DAGLA: variants seen among roughly 807,000 people sequenced by gnomAD.
The protein encoded by DAGLA is diacylglycerol lipase alpha, also known as diacylglycerol lipase-alpha.
Under a neutral mutation model 102.6 loss-of-function variants are expected in DAGLA, and 22 were observed. The observed-to-expected ratio is 0.21, with a 90% CI of 0.15 to 0.31. The LOEUF (loss-of-function observed/expected upper bound fraction) is 0.31, where lower values mean the gene tolerates loss of function less well. DAGLA is among the 10% of genes least tolerant of loss of function. The pLI is 1.00. For synonymous variants in DAGLA, 578 were observed against 628.9 expected (o/e 0.92, Z 1.21); for missense variants, 927 against 1,446.6 (o/e 0.64, Z 5.83).
intron 1 of DAGLA, among the ~76,000 whole-genome samples, chr11:61,682,057 G>A (rs1254108525): frequency 4.2e-5 from 6 of 141,672 alleles, no homozygotes; most frequent in African/African-American, 1.0e-4. Context: ...GCAGGTGGTC[G>A]CCAAATTGCC....
At chr11:61,714,040 C>G (rs974915867) in intron 1 of DAGLA, among the ~76,000 whole-genome samples, 8 of 152,188 alleles carry the variant, frequency 5.3e-5, no homozygotes, top group Non-Finnish European at 1.0e-4. Flanking sequence ...GAAAAAGAGC[C>G]CTTACAAACT....
At chr11:61,735,093 C>G in intron 10 of DAGLA, 91 bp downstream of exon 10, 1 of 1,466,900 alleles carries the variant, frequency 6.8e-7, no homozygotes, top group South Asian at 1.2e-5. Flanking sequence ...GGCAGGAGCC[C>G]TTGCTTGGCT....
intron 9 of DAGLA, among the ~76,000 whole-genome samples, 177 bp downstream of exon 9, chr11:61,731,618 G>A (rs903579836): frequency 2.0e-5 from 3 of 152,314 alleles, no homozygotes; most frequent in Admixed American, 6.5e-5. Context: ...TGTAGGCTTC[G>A]GAGTCACACA....
rs2065534055 is a variant in DAGLA at position 61,745,944 on chromosome 11, C to T, written c.*1455C>T. 1 of 152,406 alleles carries T rather than the reference C, an allele frequency of 6.6e-6. No individual in the cohort carries two copies. The highest frequency in any genetic ancestry group is 1.9e-4 in the East Asian group (1 of 5,324). 9.4% of individuals were successfully genotyped at this position (152,406 alleles called of 1,614,324 possible). A position where few individuals can be genotyped will look rare whatever the true frequency, so the allele number is the denominator to read the frequency against. ...GTTCCCATCGCGCCTGCTGCTGTGA[C>T]CCGTTTTGGAAAACTGGTGTGTACC... is the stretch of plus-strand genomic sequence containing the variant. On this transcript the variant is annotated 3_prime_UTR_variant, in exon 20 of 20. Transcript: ENST00000257215.
chr11:61,688,350 T>C (rs1021501980), intron 1 of DAGLA, among the ~76,000 whole-genome samples: 9 of 149,646 alleles, frequency 6.0e-5, no homozygotes, highest in Middle Eastern at 3.2e-3. Flanking sequence ...GGATTGCTCG[T>C]ACATGAGATT....
Position 61,728,932 on chromosome 11 carries a change from C to G in DAGLA, c.773C>G (p.Ala258Gly), listed in dbSNP as rs1269709973. ...RAKRNAVLDE[A>G]NNDILAFLSG... ...CTTCTTCACCTGCCGGTCTTACAGG[C>G]AAACAATGACATCTTGGCCTTCCTG... The change falls in exon 8 of 20, where the codon GCA becomes GGA. Residue 258 changes from alanine (A) to glycine (G), a missense_variant and splice_region_variant. By Grantham distance (60) the Ala-to-Gly change is moderately conservative (BLOSUM62 0). Coordinates refer to ENST00000257215, the MANE Select transcript of DAGLA (RefSeq NM_006133.3). The G allele has an allele frequency of 1.2e-6, 2 of 1,613,964 alleles. No individual in the cohort carries two copies. Among genetic ancestry groups the G allele is most frequent in the African/African-American group, 1.3e-5 (1 of 74,934 alleles).
At chr11:61,717,549 TAATCGACATTTTACA>T (rs752020630) in intron 1 of DAGLA, among the ~76,000 whole-genome samples, 14 of 152,234 alleles carry the variant, frequency 9.2e-5, no homozygotes, top group Non-Finnish European at 1.3e-4. Context: ...GAGGTAGGGA[TAATCGACATTTTACA>T]AATCGACATT....
chr11:61,695,714 G>A (rs888722139), intron 1 of DAGLA, among the ~76,000 whole-genome samples: 3 of 152,218 alleles, frequency 2.0e-5, no homozygotes, highest in African/African-American at 7.2e-5. Context: ...ATCCCAGGGA[G>A]GGTACTGACT....
chr11:61,740,750 C>A (rs190317522), intron 18 of DAGLA, among the ~76,000 whole-genome samples, 158 bp downstream of exon 18: 5 of 152,358 alleles, frequency 3.3e-5, no homozygotes, highest in African/African-American at 1.2e-4. Context: ...TCAAATACTT[C>A]AACCTCACAC....
At chr11:61,739,385 C>T (rs1259845148) in intron 16 of DAGLA, 80 bp from the exon 17 acceptor site, 2 of 1,400,574 alleles carry the variant, frequency 1.4e-6, no homozygotes, top group Non-Finnish European at 2.0e-6. Flanking sequence ...GCTGAGCCCC[C>T]CTTCTCGGTC....
At chr11:61,743,463 C>T in intron 19 of DAGLA, 69 bp from the exon 20 acceptor site, 2 of 1,288,032 alleles carry the variant, frequency 1.6e-6, no homozygotes, top group South Asian at 1.5e-5. Flanking sequence ...TCCTTTTAGC[C>T]AGGGAGCTGG....
At chr11:61,715,664 T>G (rs1187389664) in intron 1 of DAGLA, among the ~76,000 whole-genome samples, 1 of 152,196 alleles carries the variant, frequency 6.6e-6, no homozygotes, top group Non-Finnish European at 1.5e-5. Flanking sequence ...GGCTTCTGTT[T>G]GCTCACTCCA....
chr11:61,717,951 C>T (rs913709188), intron 1 of DAGLA, among the ~76,000 whole-genome samples: 2 of 152,294 alleles, frequency 1.3e-5, no homozygotes. Context: ...CTGAAGCGAG[C>T]GGGCATTGTT....
intron 1 of DAGLA, among the ~76,000 whole-genome samples, chr11:61,715,195 G>C (rs1351574106): frequency 1.3e-5 from 2 of 152,218 alleles, no homozygotes; most frequent in Non-Finnish European, 2.9e-5. Context: ...CTGCGACCCT[G>C]TGTTACTGCT....
chr11:61,701,957 A>G (rs1171804368), intron 1 of DAGLA, among the ~76,000 whole-genome samples: 2 of 151,550 alleles, frequency 1.3e-5, no homozygotes, highest in Non-Finnish European at 1.5e-5. Flanking sequence ...TTTTTTTTTA[A>G]TAAAGACAGG....
chr11:61,745,267 C>T lies in DAGLA; in HGVS notation c.*778C>T, dbSNP rs2065527183. ...TGGCTTACCTTCTACCCCCAAGGAT[C>T]CTCACCACCCAAAGGGTGGTGGGCA... On this transcript the variant is annotated 3_prime_UTR_variant, in exon 20 of 20. Transcript: ENST00000257215. 2 of 152,634 alleles carry T rather than the reference C, an allele frequency of 1.3e-5. No homozygotes were observed. Among genetic ancestry groups the T allele is most frequent in the East Asian group, 1.9e-4 (1 of 5,302 alleles). The allele number at this position is 152,634 out of a possible 1,614,324, so 9.5% of individuals were successfully genotyped here.
In DAGLA at chr11:61,741,185, G is replaced by C. The variant is rs2065475750; in HGVS notation, c.2007G>C (p.Gly669=). Residue 669 remains glycine (G), a synonymous_variant, in exon 19 of 20, where the codon GGG becomes GGC. Coordinates refer to ENST00000257215, the MANE Select transcript of DAGLA (RefSeq NM_006133.3). ...AGGTGCTGGAGAACTACAACAAGGG[G>C]AAGACCGCTCTGCTCTCTGCAGCCA... The part of the protein sequence containing the change: ...LNKVLENYNK[G]KTALLSAAKV... 1 of 1,613,288 alleles carries C rather than the reference G, an allele frequency of 6.2e-7. No homozygotes were observed. Among genetic ancestry groups the C allele is most frequent in the Non-Finnish European group, 8.5e-7 (1 of 1,179,962 alleles).
chr11:61,739,736 G>A (rs1198333146), intron 17 of DAGLA, 75 bp downstream of exon 17: 23 of 1,471,992 alleles, frequency 1.6e-5, no homozygotes, highest in African/African-American at 2.8e-5. Context: ...GGCCGGCCTT[G>A]GCTCAATCAC....
At chr11:61,690,983 A>G (rs2065019561) in intron 1 of DAGLA, among the ~76,000 whole-genome samples, 1 of 152,098 alleles carries the variant, frequency 6.6e-6, no homozygotes, top group South Asian at 2.1e-4. Flanking sequence ...AGGCTCGCAC[A>G]GCATGGCTCC....
Sources: gnomAD v4.1 joint callset for allele counts (sites outside exome capture counted in the v4.1 genomes callset) on GRCh38, gnomAD v4.1.1 for gene constraint, MANE v1.5 for transcripts, NCBI Gene and HGNC (gene_info 2026-07-23, HGNC 2026-07-21) for gene names.